ESRRG: variants seen among roughly 807,000 people sequenced by gnomAD.
The protein encoded by ESRRG is estrogen related receptor gamma.
Under a neutral mutation model 44.0 loss-of-function variants are expected in ESRRG, and 13 were observed. The ratio of observed to expected loss-of-function variants is 0.30; its 90% CI spans 0.19 to 0.47. The LOEUF (loss-of-function observed/expected upper bound fraction) is 0.47. ESRRG is among the 20% of genes least tolerant of loss of function. ESRRG has a pLI of 1.00. For synonymous variants in ESRRG, 215 were observed against 214.6 expected, an observed-to-expected ratio of 1.00 and a Z score of -0.02; for missense variants, 395 against 580.6, an observed-to-expected ratio of 0.68 and a Z score of 3.29.
intron 1 of ESRRG, among the ~76,000 whole-genome samples, chr1:217,099,733 T>G (rs1244763069): frequency 6.6e-6 from 1 of 152,202 alleles, no homozygotes; most frequent in Non-Finnish European, 1.5e-5. Context: ...GTTAGTTGGA[T>G]CCTCCCCACA....
chr1:216,855,172 A>G (rs1422844680), intron 2 of ESRRG: 1 of 152,178 alleles, frequency 6.6e-6, no homozygotes, highest in Non-Finnish European at 1.5e-5. Context: ...TTTAGGACCT[A>G]TGGGCCGCTG....
At chr1:216,817,876 C>T (rs552537508) in intron 2 of ESRRG, among the ~76,000 whole-genome samples, 1 of 151,870 alleles carries the variant, frequency 6.6e-6, no homozygotes, top group African/African-American at 2.4e-5. Context: ...GCAGAACAGA[C>T]TGAAATAATA....
At chr1:216,841,750 G>T (rs1288304785) in intron 2 of ESRRG, among the ~76,000 whole-genome samples, 1 of 152,070 alleles carries the variant, frequency 6.6e-6, no homozygotes, top group African/African-American at 2.4e-5. Flanking sequence ...GCAAGTGTCT[G>T]GTTCTAACAT....
chr1:216,551,188 C>T (rs1328796716), intron 5 of ESRRG, among the ~76,000 whole-genome samples: 2 of 149,942 alleles, frequency 1.3e-5, no homozygotes, highest in African/African-American at 5.1e-5. Flanking sequence ...ATAAAATACT[C>T]ACAGAGACAG....
chr1:216,669,977 A>G (rs1485290904), intron 2 of ESRRG, among the ~76,000 whole-genome samples: 1 of 152,244 alleles, frequency 6.6e-6, no homozygotes, highest in East Asian at 1.9e-4. Flanking sequence ...CACTGCATTC[A>G]AACTGATAAT....
chr1:216,961,705 C>T (rs2069122596), intron 1 of ESRRG, among the ~76,000 whole-genome samples: 2 of 151,942 alleles, frequency 1.3e-5, no homozygotes, highest in African/African-American at 4.8e-5. Flanking sequence ...ACAAAGGCTA[C>T]TAACTATAGG....
chr1:216,758,109 C>T (rs891884119), intron 2 of ESRRG, among the ~76,000 whole-genome samples: 1 of 152,020 alleles, frequency 6.6e-6, no homozygotes, highest in Non-Finnish European at 1.5e-5. Flanking sequence ...TCTTTCCTGC[C>T]ATACCTCCTC....
rs542400403 is a variant in ESRRG at position 216,623,149 on chromosome 1, C to T, written c.589+27824G>A. ...CCAGGCTGGAGTGCAGTGCCGCGATCTCGGCTCACTGCAAGCTCTGCCTCC... is the reference window on the plus strand; with the variant it reads ...CCAGGCTGGAGTGCAGTGCCGCGATTTCGGCTCACTGCAAGCTCTGCCTCC... On this transcript the variant is annotated intron_variant, in intron 3 of 6. Coordinates refer to ENST00000408911, the MANE Select transcript of ESRRG (RefSeq NM_001438.4). Among the ~76,000 whole-genome samples, 370 of 125,010 alleles carry T rather than the reference C, an allele frequency of 3.0e-3. 1 individual carries two copies. Among genetic ancestry groups the T allele is most frequent in the African/African-American group, 0.011 (349 of 32,918 alleles). 82.0% of individuals were successfully genotyped at this position (125,010 alleles called of 152,430 possible).
At chr1:216,778,323 T>C (rs2093689088) in intron 2 of ESRRG, among the ~76,000 whole-genome samples, 2 of 152,036 alleles carry the variant, frequency 1.3e-5, no homozygotes, top group Admixed American at 1.3e-4. Flanking sequence ...TGGTCCTTTG[T>C]ACCTCTACTT....
intron 1 of ESRRG, among the ~76,000 whole-genome samples, chr1:217,004,204 G>C (rs185389625): frequency 6.6e-6 from 1 of 152,128 alleles, no homozygotes; most frequent in African/African-American, 2.4e-5. Flanking sequence ...AAGTTTTAGA[G>C]AGGACTTTAA....
At chr1:216,903,359 A>C (rs915716753) in intron 2 of ESRRG, among the ~76,000 whole-genome samples, 1 of 152,156 alleles carries the variant, frequency 6.6e-6, no homozygotes, top group South Asian at 2.1e-4. Context: ...GCACTTAGAC[A>C]AAGAGAGCCG....
chr1:217,034,018 A>AT (rs755740820), intron 1 of ESRRG, among the ~76,000 whole-genome samples: 16 of 152,180 alleles, frequency 1.1e-4, no homozygotes, highest in Non-Finnish European at 1.9e-4. Context: ...AACTGGCTTG[A>AT]TTTTTGACTG....
intron 3 of ESRRG, among the ~76,000 whole-genome samples, chr1:216,570,543 T>G (rs1241058221): frequency 6.6e-6 from 1 of 152,238 alleles, no homozygotes; most frequent in Non-Finnish European, 1.5e-5. Flanking sequence ...TGACCACATT[T>G]TTTCTGGTCA....
At position 216,703,659 on chromosome 1, in the gene ESRRG, A is replaced by ATG. The variant is rs67638063; in HGVS notation, c.56+19583_56+19584dup. On this transcript the variant is annotated intron_variant, in intron 1 of 6. Coordinates refer to ENST00000408911, the MANE Select transcript of ESRRG (RefSeq NM_001438.4). ...ATGGCATGTTTTCAAAGCTGGATAG[A>ATG]TGTGTGTGTGTGTGTGTGTGTGTGT... 4.2e-3 allele frequency among the ~76,000 whole-genome samples: 621 copies of ATG among 148,980 alleles called. 1 individual carries two copies. The highest frequency in any genetic ancestry group is 0.014 in the African/African-American group (547 of 40,378).
rs1258690090 is a variant in ESRRG, at chr1:216,693,155, T to C, written c.57-15664A>G. On this transcript the variant is annotated intron_variant, in intron 1 of 6. Coordinates refer to ENST00000408911, the MANE Select transcript of ESRRG (RefSeq NM_001438.4). Reference sequence around the variant, plus strand: ...CAGTAAAAGTACAATTCGGTTATTATTTCCTCAGCAAGTCTTTCCTGGCAC... The same window carrying C: ...CAGTAAAAGTACAATTCGGTTATTACTTCCTCAGCAAGTCTTTCCTGGCAC... 2.6e-5 allele frequency among the ~76,000 whole-genome samples: 4 copies of C among 152,248 alleles called. No homozygotes were observed. In the East Asian group the frequency reaches 5.8e-4, roughly 22 times the overall value.
rs569849061 is a variant in ESRRG, at chr1:217,047,132, T to C, written c.-106+42375A>G. Among the ~76,000 whole-genome samples, 7 of 152,228 alleles carry C rather than the reference T, an allele frequency of 4.6e-5. No homozygotes were observed. In the South Asian group the frequency reaches 1.5e-3, roughly 32 times the overall value. On this transcript the variant is annotated intron_variant, in intron 1 of 7. Transcript: ENST00000359162. Reference sequence around the variant, plus strand: ...GCCTGTGCCTACCATGAAGTGGTTGTATCAAACTACTTATCATTTGAATAA... The same window carrying C: ...GCCTGTGCCTACCATGAAGTGGTTGCATCAAACTACTTATCATTTGAATAA...
At chr1:217,033,869 G>A (rs1365411346) in intron 1 of ESRRG, among the ~76,000 whole-genome samples, 1 of 152,170 alleles carries the variant, frequency 6.6e-6, no homozygotes, top group Non-Finnish European at 1.5e-5. Context: ...TTATTTCACA[G>A]ATGTGAACTC....
intron 1 of ESRRG, among the ~76,000 whole-genome samples, chr1:217,060,788 C>CTAGA (rs61465430): frequency 0.18 from 11,855 of 65,422 alleles, 555 homozygotes; most frequent in Middle Eastern, 0.23. Context: ...ATATTGAACA[C>CTAGA]TAGATAGATA....
intron 2 of ESRRG, chr1:216,862,900 T>C (rs931057219): frequency 6.6e-6 from 1 of 152,238 alleles, no homozygotes; most frequent in Admixed American, 6.5e-5. Flanking sequence ...CAGTTTATTA[T>C]ATTTCAGTTA....
Sources: allele counts gnomAD v4.1 joint callset (sites outside exome capture counted in the v4.1 genomes callset), GRCh38; gene constraint gnomAD v4.1.1; transcripts MANE v1.5; gene names NCBI Gene and HGNC (gene_info 2026-07-23, HGNC 2026-07-21).